Variants in ULK4 observed in about 807,000 individuals in gnomAD.
ULK4 encodes unc-51 like kinase 4.
Under a neutral mutation model 160.6 loss-of-function variants are expected in ULK4, and 133 were observed. That is an observed-to-expected ratio of 0.83 (90% CI 0.72 to 0.96). ULK4 has a LOEUF of 0.96. Ranked by LOEUF, ULK4 falls within the 40% of genes least tolerant of loss-of-function variation. The probability of loss-of-function intolerance (pLI) is 0.00; values close to 1 mark genes in which losing one functional copy is unlikely to be tolerated. For missense variants in ULK4, 1,580 were observed against 1,499.5 expected (o/e 1.05, Z -0.89); for synonymous variants, 534 against 539.8 (o/e 0.99, Z 0.15).
At chr3:41,924,443 G>A (rs557850455) in intron 5 of ULK4, among the ~76,000 whole-genome samples, 1 of 152,276 alleles carries the variant, frequency 6.6e-6, no homozygotes, top group African/African-American at 2.4e-5. Flanking sequence ...AGACTAACCT[G>A]CCCTGTCATA....
chr3:41,509,250 A>G (rs905042215), intron 32 of ULK4, among the ~76,000 whole-genome samples: 13 of 152,264 alleles, frequency 8.5e-5, no homozygotes, highest in Middle Eastern at 3.4e-3. Flanking sequence ...AAGGCTTTCA[A>G]ATTAATCCAA....
intron 21 of ULK4, among the ~76,000 whole-genome samples, chr3:41,765,846 G>A (rs1421874947): frequency 6.6e-6 from 1 of 152,076 alleles, no homozygotes; most frequent in African/African-American, 2.4e-5. Context: ...AAGTATGTAT[G>A]AACAGTCCAG....
At chr3:41,757,972 C>T (rs138128311) in intron 21 of ULK4, among the ~76,000 whole-genome samples, 1 of 152,136 alleles carries the variant, frequency 6.6e-6, no homozygotes, top group African/African-American at 2.4e-5. Context: ...TTTTTGCCTG[C>T]CCCCATTCAT....
At chr3:41,497,174 T>C (rs1295521911) in intron 32 of ULK4, among the ~76,000 whole-genome samples, 2 of 151,820 alleles carry the variant, frequency 1.3e-5, no homozygotes, top group Non-Finnish European at 2.9e-5. Flanking sequence ...CTTTAGGAAA[T>C]AGAAAACATA....
intron 35 of ULK4, among the ~76,000 whole-genome samples, chr3:41,345,602 C>A (rs1423186156): frequency 6.6e-6 from 1 of 152,098 alleles, no homozygotes; most frequent in Non-Finnish European, 1.5e-5. Flanking sequence ...TAGTGGGGAA[C>A]CACACACAGT....
intron 31 of ULK4, among the ~76,000 whole-genome samples, chr3:41,578,603 T>A (rs1344269010): frequency 6.6e-6 from 1 of 152,184 alleles, no homozygotes; most frequent in Non-Finnish European, 1.5e-5. Context: ...ACTCTAGATA[T>A]AAGCATAAAG....
chr3:41,406,005 C>T (rs2082286567), intron 34 of ULK4, among the ~76,000 whole-genome samples: 1 of 152,082 alleles, frequency 6.6e-6, no homozygotes, highest in African/African-American at 2.4e-5. Context: ...GTTTGTGTTG[C>T]AATTGCTTTT....
intron 35 of ULK4, among the ~76,000 whole-genome samples, chr3:41,381,626 T>C (rs897207107): frequency 6.6e-6 from 1 of 152,168 alleles, no homozygotes; most frequent in Non-Finnish European, 1.5e-5. Context: ...GCTTTCAAGA[T>C]ATATCCAAAA....
chr3:41,936,056 G>T lies in ULK4; in HGVS notation c.239-116C>A, dbSNP rs139769812. On this transcript the variant is annotated intron_variant, in intron 3 of 36. Coordinates refer to ENST00000301831, the MANE Select transcript of ULK4 (RefSeq NM_017886.4). ...AAAAATGATCAAGACAGTAAACGCT[G>T]ACAGCCTGGTCAAGGAACACACATG... is the stretch of plus-strand genomic sequence containing the variant. The T allele has an allele frequency of 3.8e-5, 51 of 1,340,210 alleles. No homozygotes were observed. The Admixed American group carries it at 1.2e-3, about 32-fold the overall frequency. 83.0% of individuals were successfully genotyped at this position (1,340,210 alleles called of 1,614,324 possible).
intron 32 of ULK4, among the ~76,000 whole-genome samples, chr3:41,528,937 T>C (rs1375788428): frequency 1.3e-5 from 2 of 152,246 alleles, no homozygotes; most frequent in Non-Finnish European, 2.9e-5. Context: ...GACACATGTC[T>C]GCCTATGTAG....
intron 17 of ULK4, among the ~76,000 whole-genome samples, chr3:41,877,874 A>G (rs1697366754): frequency 1.3e-5 from 2 of 151,726 alleles, no homozygotes; most frequent in Admixed American, 1.3e-4. Context: ...TCAGCTACTC[A>G]AGAGGCTAAG....
chr3:41,436,873 GA>G (rs1350860944), intron 34 of ULK4, among the ~76,000 whole-genome samples: 3 of 151,818 alleles, frequency 2.0e-5, no homozygotes, highest in Non-Finnish European at 2.9e-5. Flanking sequence ...TAATATTTAT[GA>G]AAAAAAACTC....
chr3:41,535,950 T>C (rs2086484126), intron 32 of ULK4, among the ~76,000 whole-genome samples: 1 of 152,174 alleles, frequency 6.6e-6, no homozygotes, highest in Admixed American at 6.6e-5. Flanking sequence ...TAAGACCATC[T>C]GGACTCATCA....
chr3:41,428,375 T>C (rs548233493), intron 34 of ULK4, among the ~76,000 whole-genome samples: 2 of 152,238 alleles, frequency 1.3e-5, no homozygotes, highest in African/African-American at 4.8e-5. Context: ...GCTATTCCCA[T>C]TAAACTACCA....
intron 34 of ULK4, among the ~76,000 whole-genome samples, chr3:41,455,173 T>C (rs560649448): frequency 2.6e-4 from 39 of 152,176 alleles, no homozygotes; most frequent in Non-Finnish European, 5.3e-4. Context: ...CTCTAAAATA[T>C]CTTTTTGAGA....
chr3:41,689,786 A>G (rs1167313553), intron 27 of ULK4, among the ~76,000 whole-genome samples: 2 of 151,992 alleles, frequency 1.3e-5, no homozygotes, highest in African/African-American at 2.4e-5. Context: ...AAAAGTCAGG[A>G]AACAACAGGT....
chr3:41,436,386 C>T (rs994793313), intron 34 of ULK4, among the ~76,000 whole-genome samples: 5 of 152,124 alleles, frequency 3.3e-5, no homozygotes, highest in Non-Finnish European at 4.4e-5. Flanking sequence ...TTTAAAAACG[C>T]CATACTATAT....
intron 22 of ULK4, among the ~76,000 whole-genome samples, chr3:41,743,877 G>T (rs1195709515): frequency 6.6e-6 from 1 of 151,736 alleles, no homozygotes; most frequent in African/African-American, 2.4e-5. Flanking sequence ...TGTTGGCCAG[G>T]CACCGTGCCT....
chr3:41,575,647 A>C (rs74420194), intron 31 of ULK4, among the ~76,000 whole-genome samples: 368 of 152,366 alleles, frequency 2.4e-3, no homozygotes, highest in East Asian at 0.013. Flanking sequence ...AGTAGCAAAT[A>C]CAAGTTATGA....
Sources: gnomAD v4.1 joint callset for allele counts (sites outside exome capture counted in the v4.1 genomes callset) on GRCh38, gnomAD v4.1.1 for gene constraint, MANE v1.5 for transcripts, NCBI Gene and HGNC (gene_info 2026-07-23, HGNC 2026-07-21) for gene names.